Variants in WDR7 observed in about 807,000 individuals in gnomAD.
WDR7 encodes WD repeat-containing protein 7.
A neutral mutation model predicts 169.4 loss-of-function variants in WDR7; 46 were observed. That is an observed-to-expected ratio of 0.27 (90% CI 0.21 to 0.35). The LOEUF is 0.35. Among genes scored for constraint, WDR7 ranks in the 10% least tolerant of loss-of-function variants. The probability of loss-of-function intolerance (pLI) is 1.00; values close to 1 mark genes in which losing one functional copy is unlikely to be tolerated. For missense variants in WDR7, 1,534 were observed against 1,859.3 expected (o/e 0.83, Z 3.22); for synonymous variants, 612 against 666.8 (o/e 0.92, Z 1.27).
chr18:56,820,421 T>C (rs1000542126), intron 20 of WDR7, among the ~76,000 whole-genome samples: 11 of 141,726 alleles, frequency 7.8e-5, no homozygotes, highest in Non-Finnish European at 1.7e-4. Flanking sequence ...AAAGCAGCAA[T>C]GATACGTGGA....
rs746183389 is a variant in WDR7, at chr18:56,999,485, T to C, written c.4165-21260T>C. 2.0e-5 allele frequency among the ~76,000 whole-genome samples: 3 copies of C among 152,140 alleles called. No individual in the cohort carries two copies. In the South Asian group the frequency reaches 6.2e-4, roughly 32 times the overall value. ...TTTAAACCACTTATTCTGAGGTGACTAAAATAATAGGAAAGAGAAGTAAAA... is the reference window on the plus strand; with the variant it reads ...TTTAAACCACTTATTCTGAGGTGACCAAAATAATAGGAAAGAGAAGTAAAA... On this transcript the variant is annotated intron_variant, in intron 26 of 27. Transcript: ENST00000254442.
chr18:56,823,752 T>C (rs1269732443), intron 20 of WDR7, among the ~76,000 whole-genome samples: 2 of 152,184 alleles, frequency 1.3e-5, no homozygotes, highest in Non-Finnish European at 2.9e-5. Context: ...TTTAACAATG[T>C]CCACATACGG....
At chr18:56,961,227 G>A (rs1303033290) in intron 25 of WDR7, among the ~76,000 whole-genome samples, 1 of 152,042 alleles carries the variant, frequency 6.6e-6, no homozygotes, top group Non-Finnish European at 1.5e-5. Context: ...CAAATATCTT[G>A]TCTCTCTCAG....
chr18:56,769,980 C>A (rs2044128164), intron 16 of WDR7, among the ~76,000 whole-genome samples: 1 of 151,944 alleles, frequency 6.6e-6, no homozygotes, highest in African/African-American at 2.4e-5. Context: ...AGGGTAGGGA[C>A]ATTTTTTTTC....
At chr18:56,928,514 G>T (rs1262203906) in intron 22 of WDR7, among the ~76,000 whole-genome samples, 3 of 152,162 alleles carry the variant, frequency 2.0e-5, no homozygotes, top group African/African-American at 7.2e-5. Context: ...ATTATCTCAG[G>T]GGAATAGATT....
intron 20 of WDR7, among the ~76,000 whole-genome samples, chr18:56,816,626 G>C (rs945753958): frequency 6.6e-6 from 1 of 152,100 alleles, no homozygotes; most frequent in Non-Finnish European, 1.5e-5. Context: ...ATTCTTATCT[G>C]TATTACCTTT....
At chr18:56,720,500 T>C (rs2026298476) in intron 13 of WDR7, among the ~76,000 whole-genome samples, 1 of 152,192 alleles carries the variant, frequency 6.6e-6, no homozygotes, top group South Asian at 2.1e-4. Context: ...ATAGCTGATG[T>C]ATATTAAGTG....
chr18:56,691,510 A>T (rs2025569564), intron 8 of WDR7, 149 bp downstream of exon 8: 2 of 1,095,600 alleles, frequency 1.8e-6, no homozygotes. Context: ...TTTTAATTCC[A>T]ATTTAACTTC....
At chr18:56,798,190 T>C (rs1210285503) in intron 19 of WDR7, among the ~76,000 whole-genome samples, 5 of 152,214 alleles carry the variant, frequency 3.3e-5, no homozygotes, top group Non-Finnish European at 7.4e-5. Context: ...ATAATCACTG[T>C]AGAAAGCACA....
intron 25 of WDR7, 82 bp downstream of exon 25, chr18:56,939,475 G>T (rs1005292852): frequency 2.3e-6 from 2 of 878,768 alleles, no homozygotes; most frequent in Non-Finnish European, 3.3e-6. Flanking sequence ...GGTGTTAGTA[G>T]TCTTGGTCAA....
chr18:56,782,911 T>C (rs181387014), intron 19 of WDR7, among the ~76,000 whole-genome samples: 1 of 152,312 alleles, frequency 6.6e-6, no homozygotes, highest in East Asian at 1.9e-4. Context: ...AGGGTTATTA[T>C]GTGTGTGGCA....
intron 19 of WDR7, among the ~76,000 whole-genome samples, chr18:56,804,921 T>A (rs567594734): frequency 2.8e-4 from 42 of 152,326 alleles, no homozygotes; most frequent in African/African-American, 9.4e-4. Context: ...GCGTCAAATT[T>A]CTGATGTTTA....
At chr18:56,791,178 T>C (rs2145115816) in intron 19 of WDR7, among the ~76,000 whole-genome samples, 1 of 152,328 alleles carries the variant, frequency 6.6e-6, no homozygotes, top group African/African-American at 2.4e-5. Context: ...GAAAAGAGTT[T>C]ACATTTTACT....
rs1216554535 is a variant in WDR7, at chr18:56,935,917, T to G, written c.3831+12T>G. 1.9e-6 allele frequency: 3 copies of G among 1,603,902 alleles called. No homozygotes were observed. The South Asian group carries it at 3.3e-5, about 18-fold the overall frequency. ...CCATAGCCAAAGAGGTGAGCGGAACTTCTCAGTGTGCTCCATCTTCTCATT... is the reference window on the plus strand; with the variant it reads ...CCATAGCCAAAGAGGTGAGCGGAACGTCTCAGTGTGCTCCATCTTCTCATT... On this transcript the variant is annotated intron_variant, in intron 23 of 27. Transcript: ENST00000254442.
chr18:56,919,990 T>C (rs1437891468), intron 21 of WDR7, among the ~76,000 whole-genome samples: 4 of 152,188 alleles, frequency 2.6e-5, no homozygotes, highest in Admixed American at 2.6e-4. Flanking sequence ...AGGCCCTTTG[T>C]CCTGGAGCTG....
chr18:56,991,023 G>A (rs544934255), intron 26 of WDR7, among the ~76,000 whole-genome samples: 8 of 152,252 alleles, frequency 5.3e-5, no homozygotes, highest in African/African-American at 1.7e-4. Flanking sequence ...TCCCATTCAG[G>A]TTGGGTTGCT....
intron 25 of WDR7, among the ~76,000 whole-genome samples, chr18:56,960,614 G>A (rs1236139032): frequency 6.6e-6 from 1 of 152,156 alleles, no homozygotes; most frequent in Non-Finnish European, 1.5e-5. Flanking sequence ...AGATGTAGAT[G>A]TAGGCACAGT....
intron 11 of WDR7, 133 bp downstream of exon 11, chr18:56,695,331 G>A (rs372156998): frequency 8.7e-7 from 1 of 1,144,054 alleles, no homozygotes; most frequent in Non-Finnish European, 1.2e-6. Flanking sequence ...TATGTAGTTG[G>A]TAGAGTTTAA....
At chr18:56,809,587 G>C (rs1288116590) in intron 19 of WDR7, among the ~76,000 whole-genome samples, 1 of 152,010 alleles carries the variant, frequency 6.6e-6, no homozygotes, top group East Asian at 1.9e-4. Context: ...TATTTTCCTA[G>C]TGGACTCTTA....
Sources: gnomAD v4.1 joint callset for allele counts (sites outside exome capture counted in the v4.1 genomes callset) on GRCh38, gnomAD v4.1.1 for gene constraint, MANE v1.5 for transcripts, NCBI Gene and HGNC (gene_info 2026-07-23, HGNC 2026-07-21) for gene names.